CPED1: variants seen among roughly 807,000 people sequenced by gnomAD.
CPED1 encodes cadherin-like and PC-esterase domain-containing protein 1.
Under a neutral mutation model 128.2 loss-of-function variants are expected in CPED1, and 114 were observed. The ratio of observed to expected loss-of-function variants is 0.89; its 90% CI spans 0.76 to 1.04. CPED1 has a LOEUF of 1.04. Among genes scored for constraint, CPED1 ranks in the 50% least tolerant of loss-of-function variants. CPED1 has a pLI of 0.00. For synonymous variants in CPED1, 462 were observed against 426.7 expected, an observed-to-expected ratio of 1.08 and a Z score of -1.02; for missense variants, 1,211 against 1,207.1, an observed-to-expected ratio of 1.00 and a Z score of -0.05.
At chr7:121,190,164 GC>G (rs1797102556) in intron 16 of CPED1, among the ~76,000 whole-genome samples, 1 of 151,976 alleles carries the variant, frequency 6.6e-6, no homozygotes, top group African/African-American at 2.4e-5. Flanking sequence ...GATGAGAAAA[GC>G]CCATTTGATG....
At chr7:121,212,691 C>T (rs897998485) in intron 16 of CPED1, among the ~76,000 whole-genome samples, 2 of 86,056 alleles carry the variant, frequency 2.3e-5, no homozygotes, top group African/African-American at 3.9e-5. Flanking sequence ...TAAAGGAATT[C>T]ATTGGAAAAA....
At chr7:121,108,234 A>G (rs1025944207) in intron 7 of CPED1, among the ~76,000 whole-genome samples, 3 of 152,136 alleles carry the variant, frequency 2.0e-5, no homozygotes, top group Non-Finnish European at 2.9e-5. Flanking sequence ...TTTATTTTAA[A>G]AAAGTTATTT....
At chr7:121,290,027 A>T (rs1201116051) in intron 22 of CPED1, among the ~76,000 whole-genome samples, 1 of 151,458 alleles carries the variant, frequency 6.6e-6, no homozygotes, top group Non-Finnish European at 1.5e-5. Flanking sequence ...TCATCGTTCA[A>T]CTCCCACTTA....
At chr7:121,143,769 A>C (rs1423354580) in intron 16 of CPED1, among the ~76,000 whole-genome samples, 1 of 152,002 alleles carries the variant, frequency 6.6e-6, no homozygotes, top group Admixed American at 6.6e-5. Flanking sequence ...GTATCCACTA[A>C]AGCTAAATAT....
intron 4 of CPED1, 109 bp downstream of exon 4, chr7:121,047,102 C>A: frequency 1.6e-6 from 1 of 641,732 alleles, no homozygotes. Flanking sequence ...GTCATTGTAT[C>A]TATGGAGAAT....
At chr7:121,159,402 C>G (rs1344878430) in intron 16 of CPED1, among the ~76,000 whole-genome samples, 1 of 152,074 alleles carries the variant, frequency 6.6e-6, no homozygotes, top group Non-Finnish European at 1.5e-5. Flanking sequence ...GGGCCTCTGA[C>G]TTGATCAGAA....
chr7:121,119,929 TG>T (rs1012253881), intron 7 of CPED1, among the ~76,000 whole-genome samples: 42 of 152,192 alleles, frequency 2.8e-4, no homozygotes, highest in African/African-American at 8.7e-4. Context: ...TCTTCATGAC[TG>T]GATTATTTCA....
At chr7:121,169,796 C>T (rs1193549652) in intron 16 of CPED1, among the ~76,000 whole-genome samples, 1 of 152,116 alleles carries the variant, frequency 6.6e-6, no homozygotes, top group East Asian at 1.9e-4. Flanking sequence ...GTGATTTCCT[C>T]CAGGGACTGA....
chr7:121,163,290 C>A (rs1163671421), intron 16 of CPED1, among the ~76,000 whole-genome samples: 3 of 152,186 alleles, frequency 2.0e-5, no homozygotes, highest in Non-Finnish European at 4.4e-5. Flanking sequence ...AGTCAATGTT[C>A]TTGTGCAGGA....
intron 4 of CPED1, among the ~76,000 whole-genome samples, chr7:121,061,440 T>C (rs1229023757): frequency 6.6e-6 from 1 of 152,148 alleles, no homozygotes; most frequent in Non-Finnish European, 1.5e-5. Flanking sequence ...CTGTATATAT[T>C]AAAAATGATA....
chr7:121,255,102 A>G (rs879567326), intron 18 of CPED1, among the ~76,000 whole-genome samples: 11 of 152,060 alleles, frequency 7.2e-5, no homozygotes, highest in Admixed American at 7.2e-4. Context: ...CAGAGACACA[A>G]TGAAAATAGA....
chr7:121,097,856 A>T, intron 6 of CPED1, 25 bp downstream of exon 6: 1 of 1,612,460 alleles, frequency 6.2e-7, no homozygotes, highest in Non-Finnish European at 8.5e-7. Flanking sequence ...TTGAATTGTT[A>T]TAACCAGCAT....
intron 16 of CPED1, among the ~76,000 whole-genome samples, chr7:121,199,697 A>AAAAAAAAAAAAG (rs1797350348): frequency 2.4e-5 from 1 of 41,758 alleles, no homozygotes; most frequent in African/African-American, 9.5e-5. Context: ...AAAAAAAAAA[A>AAAAAAAAAAAAG]AAAGAAAGAA....
rs1189049183 is a variant in CPED1 at position 121,109,296 on chromosome 7, C to T, written c.918+9202C>T. 4.6e-5 allele frequency among the ~76,000 whole-genome samples: 7 copies of T among 152,224 alleles called. No individual in the cohort carries two copies. The South Asian group carries it at 8.3e-4, about 18-fold the overall frequency. ...CTCTATGGAGCGTCTGCCTATAGGG[C>T]GGTCATTCTCTCATTGCGTCACTGG... On this transcript the variant is annotated intron_variant, in intron 7 of 22. Transcript: ENST00000310396.
chr7:121,161,873 G>GC (rs1374991361), intron 16 of CPED1, among the ~76,000 whole-genome samples: 1 of 152,110 alleles, frequency 6.6e-6, no homozygotes, highest in Non-Finnish European at 1.5e-5. Context: ...GATAGTAGCA[G>GC]TTATTCAAAA....
At chr7:121,277,187 C>CCTAA (rs1684522303) in intron 22 of CPED1, among the ~76,000 whole-genome samples, 2 of 151,966 alleles carry the variant, frequency 1.3e-5, no homozygotes, top group Admixed American at 6.6e-5. Context: ...AAAGATGACT[C>CCTAA]CTAACTTGAG....
intron 18 of CPED1, among the ~76,000 whole-genome samples, chr7:121,265,160 A>T (rs1466986304): frequency 6.6e-6 from 1 of 152,062 alleles, no homozygotes; most frequent in East Asian, 1.9e-4. Context: ...GGAAAAGCAG[A>T]TGTTGAATGC....
In CPED1 at chr7:121,110,712, T is replaced by G. The variant is rs184922141; in HGVS notation, c.918+10618T>G. On this transcript the variant is annotated intron_variant, in intron 7 of 22. Transcript: ENST00000310396. ...AAGGTAAGAAATTGAATTTTTTCCCTATGGGCAAAGGGATGCCTCTAAAAG... is the reference window on the plus strand; with the variant it reads ...AAGGTAAGAAATTGAATTTTTTCCCGATGGGCAAAGGGATGCCTCTAAAAG... Among the ~76,000 whole-genome samples the G allele has an allele frequency of 3.3e-5, 5 of 152,288 alleles. 1 individual carries two copies. Among genetic ancestry groups the G allele is most frequent in the African/African-American group, 1.2e-4 (5 of 41,576 alleles).
At chr7:121,253,753 A>T (rs911531067) in intron 18 of CPED1, among the ~76,000 whole-genome samples, 5 of 152,118 alleles carry the variant, frequency 3.3e-5, no homozygotes, top group Non-Finnish European at 5.9e-5. Context: ...ACAAACAAAA[A>T]AGAGCAGGAG....
Sources: gnomAD v4.1 joint callset for allele counts (sites outside exome capture counted in the v4.1 genomes callset) on GRCh38, gnomAD v4.1.1 for gene constraint, MANE v1.5 for transcripts, NCBI Gene and HGNC (gene_info 2026-07-23, HGNC 2026-07-21) for gene names.